The following RALA variants were observed in gnomAD, a reference collection of about 807,000 sequenced individuals.
The protein encoded by RALA is ras-related protein Ral-A.
In RALA, 5 loss-of-function variants were observed where a neutral mutation model predicts 24.0. That is an observed-to-expected ratio of 0.21 (90% CI 0.11 to 0.44). The LOEUF (loss-of-function observed/expected upper bound fraction) is 0.44. RALA is among the 20% of genes least tolerant of loss of function. The probability of loss-of-function intolerance (pLI) is 0.99; values close to 1 mark genes in which losing one functional copy is unlikely to be tolerated. For missense variants in RALA, 95 were observed against 241.2 expected (o/e 0.39, Z 4.01); for synonymous variants, 77 against 83.8 (o/e 0.92, Z 0.44).
intron 1 of RALA, among the ~76,000 whole-genome samples, chr7:39,657,669 C>A (rs1289889716): frequency 1.3e-5 from 2 of 152,012 alleles, no homozygotes; most frequent in African/African-American, 4.8e-5. Flanking sequence ...CACCTGTAAT[C>A]CCAGCACTTT....
chr7:39,630,099 A>C (rs900716364), intron 1 of RALA, among the ~76,000 whole-genome samples: 3 of 151,618 alleles, frequency 2.0e-5, no homozygotes, highest in East Asian at 3.9e-4. Context: ...GCAGCGGTGC[A>C]ATGGTGCGAT....
At chr7:39,629,107 GAGATACATCTTC>G (rs1791547914) in intron 1 of RALA, among the ~76,000 whole-genome samples, 1 of 152,202 alleles carries the variant, frequency 6.6e-6, no homozygotes, top group African/African-American at 2.4e-5. Flanking sequence ...TATTGTTGGA[GAGATACATCTTC>G]AGGATAAATG....
intron 1 of RALA, among the ~76,000 whole-genome samples, chr7:39,677,393 T>G (rs1011752021): frequency 7.1e-6 from 1 of 140,790 alleles, no homozygotes; most frequent in African/African-American, 2.7e-5. Context: ...CTCATCATTT[T>G]TTATGGCTGC....
chr7:39,647,103 C>G (rs1791938949), intron 1 of RALA, among the ~76,000 whole-genome samples: 1 of 152,150 alleles, frequency 6.6e-6, no homozygotes, highest in South Asian at 2.1e-4. Flanking sequence ...AGTGCAGTGG[C>G]ACAGTCATGG....
chr7:39,660,341 CA>C (rs35395402), intron 1 of RALA, among the ~76,000 whole-genome samples: 24,098 of 129,988 alleles, frequency 0.19, 2,455 homozygotes, highest in South Asian at 0.31. Context: ...GACTCCATCT[CA>C]AAAAAAAAAA....
At chr7:39,686,128 C>T (rs1792700437) in intron 1 of RALA, among the ~76,000 whole-genome samples, 1 of 151,292 alleles carries the variant, frequency 6.6e-6, no homozygotes, top group South Asian at 2.1e-4. Flanking sequence ...ATCGCTTGAA[C>T]CTGGGAGGTG....
At position 39,676,819 on chromosome 7, in the gene RALA, A is replaced by G. The variant is rs143301842; in HGVS notation, c.-37-9812A>G. ...TTTTAAAGTTTAAGATAGAGAGTTT[A>G]GAGTCTGGATTGGAGATCTGTGGTC... On this transcript the variant is annotated intron_variant, in intron 1 of 4. Transcript: ENST00000005257. 6.7e-3 allele frequency among the ~76,000 whole-genome samples: 1,023 copies of G among 152,314 alleles called. 11 individuals are homozygous for G. The highest frequency in any genetic ancestry group is 0.023 in the African/African-American group (964 of 41,554).
rs552934335 is a variant in RALA at position 39,673,002 on chromosome 7, A to G, written c.-37-13629A>G. ...CAAAAAGTTCGAGTCAGTTTTCAAC[A>G]TATGGCAAAACACTTTCTCTACTAA... On this transcript the variant is annotated intron_variant, in intron 1 of 4. Coordinates refer to ENST00000005257, the MANE Select transcript of RALA (RefSeq NM_005402.4). Among the ~76,000 whole-genome samples, 4 of 152,322 alleles carry G rather than the reference A, an allele frequency of 2.6e-5. No homozygotes were observed. In the East Asian group the frequency reaches 5.8e-4, roughly 22 times the overall value.
At chr7:39,670,619 A>G (rs1188037978) in intron 1 of RALA, among the ~76,000 whole-genome samples, 1 of 152,246 alleles carries the variant, frequency 6.6e-6, no homozygotes, top group Non-Finnish European at 1.5e-5. Context: ...TTTGCAATTA[A>G]TTATTAATGC....
intron 1 of RALA, among the ~76,000 whole-genome samples, chr7:39,653,221 G>C (rs967060885): frequency 7.2e-5 from 11 of 151,918 alleles, no homozygotes; most frequent in Non-Finnish European, 1.5e-4. Flanking sequence ...GTAGAGATGG[G>C]GTTTCACCAT....
chr7:39,698,845 AC>A (rs758411273), intron 4 of RALA, among the ~76,000 whole-genome samples: 24 of 152,176 alleles, frequency 1.6e-4, no homozygotes, highest in Non-Finnish European at 2.6e-4. Context: ...TGGCCCAAAA[AC>A]AGCAACTGGC....
chr7:39,664,923 G>A (rs1185190562), intron 1 of RALA, among the ~76,000 whole-genome samples: 1 of 152,104 alleles, frequency 6.6e-6, no homozygotes, highest in Admixed American at 6.5e-5. Context: ...ATAAAACAAA[G>A]TGATGTTAGA....
rs140141525 is a variant in RALA at position 39,627,212 on chromosome 7, C to T, written c.-38+3387C>T. ...TCGCATTCATAAGGATTTGGGTTGC[C>T]GTATAGAAAAAAAGAAATTAAAGTT... On this transcript the variant is annotated intron_variant, in intron 1 of 4. Transcript: ENST00000005257. 5.3e-3 allele frequency among the ~76,000 whole-genome samples: 800 copies of T among 151,500 alleles called. 6 individuals are homozygous for T. The highest frequency in any genetic ancestry group is 8.2e-3 in the Non-Finnish European group (557 of 67,872).
chr7:39,643,631 G>A (rs905261092), intron 1 of RALA, among the ~76,000 whole-genome samples: 2 of 152,126 alleles, frequency 1.3e-5, no homozygotes, highest in Non-Finnish European at 2.9e-5. Flanking sequence ...AGATGCAGGC[G>A]GATCACTTGA....
intron 2 of RALA, 40 bp from the exon 3 acceptor site, chr7:39,690,342 C>T (rs772714405): frequency 9.2e-6 from 14 of 1,519,268 alleles, no homozygotes; most frequent in Middle Eastern, 1.7e-4. Context: ...AGTTTTGAAA[C>T]GTAATAATTA....
At chr7:39,697,509 A>G in intron 4 of RALA, 1 of 454,836 alleles carries the variant, frequency 2.2e-6, no homozygotes, top group Admixed American at 2.4e-5. Context: ...CACTGGGCTG[A>G]GGTAGCACAG....
chr7:39,683,754 T>C (rs1314342916), intron 1 of RALA, among the ~76,000 whole-genome samples: 1 of 152,156 alleles, frequency 6.6e-6, no homozygotes, highest in African/African-American at 2.4e-5. Flanking sequence ...TCTTTTCTGC[T>C]TCTGAGTCAC....
At chr7:39,658,996 T>C (rs1400252781) in intron 1 of RALA, among the ~76,000 whole-genome samples, 4 of 152,184 alleles carry the variant, frequency 2.6e-5, no homozygotes, top group Non-Finnish European at 4.4e-5. Context: ...TTTTAAGATA[T>C]GGACCGGGTG....
intron 1 of RALA, among the ~76,000 whole-genome samples, chr7:39,644,147 G>A (rs905954332): frequency 2.0e-5 from 3 of 151,542 alleles, no homozygotes; most frequent in Admixed American, 2.0e-4. Flanking sequence ...TACTACTTCT[G>A]GTGGCTAAAT....
Sources: gnomAD v4.1 joint callset for allele counts (sites outside exome capture counted in the v4.1 genomes callset) on GRCh38, gnomAD v4.1.1 for gene constraint, MANE v1.5 for transcripts, NCBI Gene and HGNC (gene_info 2026-07-23, HGNC 2026-07-21) for gene names.